TUBGCP4: variants seen among roughly 807,000 people sequenced by gnomAD.
The protein encoded by TUBGCP4 is tubulin gamma complex component 4.
A neutral mutation model predicts 91.6 loss-of-function variants in TUBGCP4; 54 were observed. The observed-to-expected ratio is 0.59, with a 90% CI of 0.47 to 0.74. The LOEUF is 0.74. Ranked by LOEUF, TUBGCP4 falls within the 30% of genes least tolerant of loss-of-function variation. TUBGCP4 has a pLI of 0.00. For missense variants in TUBGCP4, 593 were observed against 800.9 expected (o/e 0.74, Z 3.13); for synonymous variants, 297 against 302.8 (o/e 0.98, Z 0.20).
intron 9 of TUBGCP4, among the ~76,000 whole-genome samples, chr15:43,393,295 C>T (rs755952448): frequency 6.0e-5 from 9 of 151,120 alleles, no homozygotes; most frequent in South Asian, 2.1e-4. Flanking sequence ...CTGCAACCTC[C>T]GTCTCCCGGG....
chr15:43,393,431 G>A lies in TUBGCP4; in HGVS notation c.1015-1676G>A, dbSNP rs150632474. ...TCACCATGTTGGCCAGGATGGTTTC[G>A]ATCTCTTTTTTTTTTAATTTTATTA... On this transcript the variant is annotated intron_variant, in intron 9 of 17. Coordinates refer to ENST00000564079, the MANE Select transcript of TUBGCP4 (RefSeq NM_014444.5). 8.4e-3 allele frequency among the ~76,000 whole-genome samples: 1,276 copies of A among 151,438 alleles called. 7 individuals carry two copies. The highest frequency in any genetic ancestry group is 0.014 in the African/African-American group (560 of 41,308).
At chr15:43,395,560 G>T (rs1181498813) in intron 10 of TUBGCP4, 23 bp from the exon 11 acceptor site, 4 of 1,583,294 alleles carry the variant, frequency 2.5e-6, no homozygotes, top group Non-Finnish European at 3.5e-6. Flanking sequence ...TTACTGAATT[G>T]TAAATTGAAA....
intron 9 of TUBGCP4, 26 bp downstream of exon 9, chr15:43,386,356 TA>T: frequency 1.5e-5 from 1 of 68,900 alleles, no homozygotes; most frequent in Non-Finnish European, 3.0e-5. Flanking sequence ...TATATATATA[TA>T]TATATATATA....
intron 9 of TUBGCP4, among the ~76,000 whole-genome samples, chr15:43,387,019 TC>T: frequency 1.3e-5 from 2 of 152,360 alleles, no homozygotes; most frequent in South Asian, 4.1e-4. Flanking sequence ...TTGCAATAAC[TC>T]CTAGGAATCA....
Position 43,408,240 on chromosome 15 carries a change from G to T in TUBGCP4, c.*3026G>T. 1 of 787,640 alleles carries T rather than the reference G, an allele frequency of 1.3e-6. No homozygotes were observed. The highest frequency in any genetic ancestry group is 2.0e-6 in the Non-Finnish European group (1 of 512,644). The allele number at this position is 787,640 out of a possible 1,614,324, so 48.8% of individuals were successfully genotyped here. A position where few individuals can be genotyped will look rare whatever the true frequency, so the allele number is the denominator to read the frequency against. ...AGCCTGTAATCCCAGCACTTTGGGA[G>T]GCTGTCGTGGTTGGATCTCTTGGGC... On this transcript the variant is annotated 3_prime_UTR_variant, in exon 18 of 18. Transcript: ENST00000564079.
chr15:43,403,794 G>T lies in TUBGCP4; in HGVS notation c.1843G>T (p.Val615Leu), dbSNP rs760614831. 33 of 1,612,470 alleles carry T rather than the reference G, an allele frequency of 2.0e-5. No individual in the cohort carries two copies. Among genetic ancestry groups the T allele is most frequent in the African/African-American group, 1.3e-5 (1 of 74,916 alleles). Residue 615 changes from valine to leucine, a missense_variant, in exon 16 of 18, where the codon GTG (valine) becomes TTG (leucine). Physicochemically the swap from Val to Leu is conservative, Grantham distance 32. Transcript: ENST00000564079. ...ERGAAQLSIL[V>L]KGFSRQSSLL... ...TGGAGCCGCCCAGCTGAGCATTCTC[G>T]TGAAGGTGCGTCTGCCTGGAAGTAT...
intron 9 of TUBGCP4, among the ~76,000 whole-genome samples, chr15:43,387,511 G>T (rs1473189374): frequency 6.6e-6 from 1 of 152,016 alleles, no homozygotes; most frequent in Non-Finnish European, 1.5e-5. Context: ...ACCCAGGTTG[G>T]AGTGCAATGG....
chr15:43,376,121 C>G lies in TUBGCP4; in HGVS notation c.102C>G (p.Leu34=), dbSNP rs2142765351. Residue 34 remains leucine (L), a synonymous_variant, in exon 2 of 18, where the codon CTC becomes CTG. Transcript: ENST00000564079. ...AGGTATCGCAGGACTTCCCTTTCCTCCACCCCAGTGAGACCAGTGTCCTGA... is the reference window on the plus strand; with the variant it reads ...AGGTATCGCAGGACTTCCCTTTCCTGCACCCCAGTGAGACCAGTGTCCTGA... ...GLQVSQDFPF[L]HPSETSVLNR... is the part of the protein sequence containing the mutation. The G allele has an allele frequency of 6.2e-6, 10 of 1,614,148 alleles. No homozygotes were observed. Among genetic ancestry groups the G allele is most frequent in the Non-Finnish European group, 8.5e-6 (10 of 1,179,998 alleles).
chr15:43,395,137 G>A lies in TUBGCP4; in HGVS notation c.1045G>A (p.Asp349Asn), dbSNP rs200386360. 3.5e-5 allele frequency: 56 copies of A among 1,614,014 alleles called. No homozygotes were observed. Among genetic ancestry groups the A allele is most frequent in the Middle Eastern group, 3.3e-4 (2 of 6,084 alleles). ...CTGGAAGTTGATGGTAGAAGAATCC[G>A]ATTTACTGGGTCAGCTGAAGGTAAT... ...HLWKLMVEES[D>N]LLGQLKIIKD... is the part of the protein sequence containing the mutation. The change falls in exon 10 of 18, where the codon GAT (aspartate) becomes AAT (asparagine). Residue 349 changes from aspartate (D) to asparagine (N), a missense_variant. Physicochemically the swap from Asp to Asn is conservative, Grantham distance 23. Coordinates refer to ENST00000564079, the MANE Select transcript of TUBGCP4 (RefSeq NM_014444.5).
At chr15:43,377,145 A>T in intron 4 of TUBGCP4, 78 bp downstream of exon 4, 1 of 1,301,762 alleles carries the variant, frequency 7.7e-7, no homozygotes, top group Non-Finnish European at 1.1e-6. Context: ...ACTGTTTTTG[A>T]GAACTTTTTT....
At chr15:43,390,412 A>T (rs2044446454) in intron 9 of TUBGCP4, among the ~76,000 whole-genome samples, 1 of 152,066 alleles carries the variant, frequency 6.6e-6, no homozygotes, top group African/African-American at 2.4e-5. Context: ...ATTTAAAAAA[A>T]TCTAGTCATT....
chr15:43,388,831 G>T (rs949742080), intron 9 of TUBGCP4, among the ~76,000 whole-genome samples: 1 of 152,168 alleles, frequency 6.6e-6, no homozygotes, highest in Non-Finnish European at 1.5e-5. Context: ...GAAAAGCTGT[G>T]CCCTGAAGGA....
intron 16 of TUBGCP4, chr15:43,404,036 A>T (rs2044771113): frequency 1.8e-6 from 1 of 550,120 alleles, no homozygotes; most frequent in African/African-American, 1.9e-5. Flanking sequence ...CCCATCAAAT[A>T]AGCATTGGGT....
At chr15:43,403,658 A>G in intron 15 of TUBGCP4, 25 bp from the exon 16 acceptor site, 1 of 1,542,438 alleles carries the variant, frequency 6.5e-7, no homozygotes, top group Non-Finnish European at 8.9e-7. Context: ...TTCCTTTCCT[A>G]ATGCCAACTC....
chr15:43,386,388 TTTTTTTTTTTTTC>T (rs1218094769), intron 9 of TUBGCP4, 58 bp downstream of exon 9: 1 of 154,716 alleles, frequency 6.5e-6, no homozygotes, highest in African/African-American at 3.2e-5. Flanking sequence ...TTTTTTTTTT[TTTTTTTTTTTTTC>T]TTAGGCAAAA....
In TUBGCP4 at chr15:43,376,139, T is replaced by C. The variant is rs1325474609; in HGVS notation, c.120T>C (p.Ser40=). 2 of 1,613,686 alleles carry C rather than the reference T, an allele frequency of 1.2e-6. No homozygotes were observed. The highest frequency in any genetic ancestry group is 1.3e-5 in the African/African-American group (1 of 74,890). Residue 40 remains serine, a synonymous_variant, in exon 2 of 18, where the codon AGT becomes AGC. Coordinates refer to ENST00000564079, the MANE Select transcript of TUBGCP4 (RefSeq NM_014444.5). The part of the protein sequence containing the change: ...DFPFLHPSET[S]VLNRLCRLGT... Reference sequence around the variant, plus strand: ...CTTTCCTCCACCCCAGTGAGACCAGTGTCCTGAATCGACTCTGCCGGCTCG... The same window carrying C: ...CTTTCCTCCACCCCAGTGAGACCAGCGTCCTGAATCGACTCTGCCGGCTCG...
intron 13 of TUBGCP4, among the ~76,000 whole-genome samples, chr15:43,398,907 A>G (rs2044624532): frequency 6.6e-6 from 1 of 152,234 alleles, no homozygotes; most frequent in South Asian, 2.1e-4. Flanking sequence ...CATTCTGCCA[A>G]TAAACAATTG....
In TUBGCP4 at chr15:43,401,788, C is replaced by A. The variant is rs755822321; in HGVS notation, c.1669C>A (p.Arg557=). 1.2e-5 allele frequency: 19 copies of A among 1,614,000 alleles called. No individual in the cohort carries two copies. The highest frequency in any genetic ancestry group is 1.3e-5 in the Non-Finnish European group (15 of 1,180,014). The part of the protein sequence containing the change: ...INSTRDFESI[R]LAHDHFLSNL... Reference sequence around the variant, plus strand: ...TTCTACCCGAGACTTTGAAAGCATCCGATTGGCTCATGACCACTTCCTGAG... The same window carrying A: ...TTCTACCCGAGACTTTGAAAGCATCAGATTGGCTCATGACCACTTCCTGAG... Residue 557 remains arginine, a synonymous_variant, in exon 15 of 18, where the codon CGA becomes AGA. Coordinates refer to ENST00000564079, the MANE Select transcript of TUBGCP4 (RefSeq NM_014444.5).
chr15:43,377,611 C>CAAAA (rs60932318), intron 4 of TUBGCP4: 75 of 259,588 alleles, frequency 2.9e-4, no homozygotes, highest in East Asian at 6.7e-4. Context: ...GACCCTGTCT[C>CAAAA]AAAAAAAAAA....
Sources: gnomAD v4.1 joint callset for allele counts (sites outside exome capture counted in the v4.1 genomes callset) on GRCh38, gnomAD v4.1.1 for gene constraint, MANE v1.5 for transcripts, NCBI Gene and HGNC (gene_info 2026-07-23, HGNC 2026-07-21) for gene names.